Variants in POU6F2 observed in about 807,000 individuals in gnomAD.
POU6F2 encodes the protein POU domain, class 6, transcription factor 2.
POU6F2 carries 31 observed loss-of-function variants against 71.3 expected under a neutral mutation model. The observed-to-expected ratio is 0.43, with a 90% CI of 0.33 to 0.59. The LOEUF (loss-of-function observed/expected upper bound fraction) is 0.59. POU6F2 is among the 20% of genes least tolerant of loss of function. The probability of loss-of-function intolerance (pLI) is 0.04; values close to 1 mark genes in which losing one functional copy is unlikely to be tolerated. For synonymous variants in POU6F2, 347 were observed against 355.7 expected (o/e 0.98, Z 0.27); for missense variants, 783 against 856.8 (o/e 0.91, Z 1.07).
chr7:38,988,601 A>T (rs1300704308), intron 1 of POU6F2, among the ~76,000 whole-genome samples: 6 of 152,190 alleles, frequency 3.9e-5, no homozygotes, highest in African/African-American at 1.4e-4. Context: ...AAAAAACAAC[A>T]GTAGTAATAA....
intron 2 of POU6F2, among the ~76,000 whole-genome samples, chr7:39,147,553 A>T (rs1355861401): frequency 6.6e-6 from 1 of 152,202 alleles, no homozygotes; most frequent in Admixed American, 6.5e-5. Context: ...TTTGAAAGGG[A>T]TGGAGAAAGT....
At chr7:39,385,092 C>T (rs896041180) in intron 5 of POU6F2, among the ~76,000 whole-genome samples, 1 of 152,134 alleles carries the variant, frequency 6.6e-6, no homozygotes, top group Non-Finnish European at 1.5e-5. Context: ...GCCAGTAATA[C>T]AAACACCAAA....
At chr7:39,226,803 G>C in intron 4 of POU6F2, among the ~76,000 whole-genome samples, 1 of 152,108 alleles carries the variant, frequency 6.6e-6, no homozygotes, top group Admixed American at 6.5e-5. Flanking sequence ...GAAAGGCCAA[G>C]ACTCTTCCTT....
intron 4 of POU6F2, among the ~76,000 whole-genome samples, chr7:39,328,573 G>C (rs759071558): frequency 1.1e-4 from 16 of 152,148 alleles, no homozygotes; most frequent in Non-Finnish European, 1.9e-4. Context: ...ATATCACAAT[G>C]CTGACTCAAA....
intron 4 of POU6F2, among the ~76,000 whole-genome samples, chr7:39,247,134 C>T (rs1447516300): frequency 1.3e-5 from 2 of 151,922 alleles, no homozygotes; most frequent in East Asian, 3.9e-4. Context: ...ATGTAATTTA[C>T]AACGATTTGT....
In POU6F2 at chr7:39,314,790, G is replaced by T. The variant is rs1785231487; in HGVS notation, c.599-24852G>T. On this transcript the variant is annotated intron_variant, in intron 4 of 9. Transcript: ENST00000518318. Reference sequence around the variant, plus strand: ...AGGCATTAAAGAGATCTAAAGCGCTGAATAAAAAAAGAATTGTTCCTAGTT... The same window carrying T: ...AGGCATTAAAGAGATCTAAAGCGCTTAATAAAAAAAGAATTGTTCCTAGTT... Among the ~76,000 whole-genome samples the T allele has an allele frequency of 3.3e-5, 5 of 151,982 alleles. No homozygotes were observed. The South Asian group carries it at 1.0e-3, about 32-fold the overall frequency.
At chr7:39,130,246 A>T (rs1229564374) in intron 2 of POU6F2, among the ~76,000 whole-genome samples, 1 of 151,966 alleles carries the variant, frequency 6.6e-6, no homozygotes, top group African/African-American at 2.4e-5. Flanking sequence ...TTAATATCAG[A>T]TGAAACAAAA....
chr7:39,376,504 G>A (rs567416119), intron 5 of POU6F2, among the ~76,000 whole-genome samples: 45 of 152,256 alleles, frequency 3.0e-4, no homozygotes, highest in African/African-American at 1.0e-3. Flanking sequence ...ACTCAGTGCT[G>A]TGCTTGGTGC....
At chr7:39,191,107 G>A (rs1793654315) in intron 2 of POU6F2, among the ~76,000 whole-genome samples, 1 of 152,162 alleles carries the variant, frequency 6.6e-6, no homozygotes, top group African/African-American at 2.4e-5. Context: ...TGACTAATGA[G>A]TACTAACGTA....
At position 39,143,564 on chromosome 7, in the gene POU6F2, G is replaced by A. The variant is rs531680281; in HGVS notation, c.277+57533G>A. ...TACCCAAACAGTGTCTGCTTTATAA[G>A]CAAGATGGCTTGACTGACCAGAGAT... On this transcript the variant is annotated intron_variant, in intron 2 of 9. Transcript: ENST00000518318. Among the ~76,000 whole-genome samples the A allele has an allele frequency of 1.1e-4, 16 of 152,278 alleles. No individual in the cohort carries two copies. The South Asian group carries it at 2.7e-3, about 26-fold the overall frequency.
intron 4 of POU6F2, among the ~76,000 whole-genome samples, chr7:39,213,876 GCCACAC>G (rs1342191659): frequency 6.6e-6 from 1 of 152,178 alleles, no homozygotes; most frequent in Non-Finnish European, 1.5e-5. Flanking sequence ...TTGGCCCTTG[GCCACAC>G]CCCTGGGAGA....
At chr7:39,081,866 G>A (rs573326906) in intron 1 of POU6F2, among the ~76,000 whole-genome samples, 26 of 152,248 alleles carry the variant, frequency 1.7e-4, no homozygotes, top group African/African-American at 4.8e-4. Flanking sequence ...TTCACTCAAC[G>A]CCTACTGGGT....
At chr7:39,088,156 A>G (rs914026162) in intron 2 of POU6F2, among the ~76,000 whole-genome samples, 3 of 152,172 alleles carry the variant, frequency 2.0e-5, no homozygotes, top group Non-Finnish European at 4.4e-5. Flanking sequence ...CAATGTGAGA[A>G]TTTCCCAGTT....
intron 1 of POU6F2, among the ~76,000 whole-genome samples, chr7:38,986,186 T>A (rs1474684636): frequency 6.6e-6 from 1 of 152,152 alleles, no homozygotes; most frequent in East Asian, 1.9e-4. Context: ...CTTAAAATAC[T>A]CCTCTCAACT....
At chr7:39,376,282 C>T in intron 5 of POU6F2, among the ~76,000 whole-genome samples, 1 of 152,168 alleles carries the variant, frequency 6.6e-6, no homozygotes, top group Non-Finnish European at 1.5e-5. Flanking sequence ...TGGATGCTCA[C>T]TTAAGGACAG....
Position 39,012,900 on chromosome 7 carries a change from G to A in POU6F2, c.105+34842G>A, listed in dbSNP as rs557276814. ...TGCCGGTTCTCAGATCTCCAGCTGCGTGCTGGGAGAACCACTGCTCTCTTC... is the reference window on the plus strand; with the variant it reads ...TGCCGGTTCTCAGATCTCCAGCTGCATGCTGGGAGAACCACTGCTCTCTTC... On this transcript the variant is annotated intron_variant, in intron 1 of 9. Coordinates refer to ENST00000518318, the MANE Select transcript of POU6F2 (RefSeq NM_001370959.1). Among the ~76,000 whole-genome samples the A allele has an allele frequency of 2.9e-3, 438 of 151,798 alleles. 2 individuals are homozygous for A. The highest frequency in any genetic ancestry group is 9.0e-3 in the African/African-American group (371 of 41,442).
At chr7:39,305,888 A>G (rs935017227) in intron 4 of POU6F2, among the ~76,000 whole-genome samples, 2 of 152,210 alleles carry the variant, frequency 1.3e-5, no homozygotes, top group Non-Finnish European at 2.9e-5. Context: ...AACTAAATTT[A>G]CTCTTAGAAA....
chr7:39,301,560 C>T (rs565969993), intron 4 of POU6F2, among the ~76,000 whole-genome samples: 5 of 152,188 alleles, frequency 3.3e-5, no homozygotes, highest in Non-Finnish European at 7.3e-5. Context: ...CTAACTGTGC[C>T]TTCATTAAAC....
At chr7:39,391,173 A>G (rs1029176143) in intron 5 of POU6F2, among the ~76,000 whole-genome samples, 3 of 152,110 alleles carry the variant, frequency 2.0e-5, no homozygotes, top group Non-Finnish European at 2.9e-5. Context: ...TTGTTACTTG[A>G]TGGCTTTTTT....
Sources: gnomAD v4.1 joint callset for allele counts (sites outside exome capture counted in the v4.1 genomes callset) on GRCh38, gnomAD v4.1.1 for gene constraint, MANE v1.5 for transcripts, NCBI Gene and HGNC (gene_info 2026-07-23, HGNC 2026-07-21) for gene names.